KCNK13: variants seen among roughly 807,000 people sequenced by gnomAD.
The protein encoded by KCNK13 is potassium two pore domain channel subfamily K member 13.
A neutral mutation model predicts 23.4 loss-of-function variants in KCNK13; 12 were observed. The ratio of observed to expected loss-of-function variants is 0.51; its 90% CI spans 0.33 to 0.83. The LOEUF is 0.83. KCNK13 is among the 40% of genes least tolerant of loss of function. KCNK13 has a pLI of 0.02. For synonymous variants in KCNK13, 231 were observed against 229.5 expected (o/e 1.01, Z -0.06); for missense variants, 463 against 556.3 (o/e 0.83, Z 1.69).
intron 1 of KCNK13, among the ~76,000 whole-genome samples, chr14:90,073,163 C>T (rs75800182): frequency 6.6e-6 from 1 of 152,140 alleles, no homozygotes; most frequent in African/African-American, 2.4e-5. Flanking sequence ...CGTGTGGTCT[C>T]TTTTACAGTG....
intron 1 of KCNK13, among the ~76,000 whole-genome samples, chr14:90,127,105 A>G (rs1037154564): frequency 6.6e-6 from 1 of 152,226 alleles, no homozygotes. Context: ...AATGTTAATT[A>G]GTTGCAACGA....
chr14:90,090,805 G>T (rs923854372), intron 1 of KCNK13, among the ~76,000 whole-genome samples: 8 of 152,160 alleles, frequency 5.3e-5, no homozygotes, highest in Admixed American at 2.0e-4. Context: ...TTAAAAACAG[G>T]AGTTTCCCTT....
intron 1 of KCNK13, among the ~76,000 whole-genome samples, chr14:90,109,781 T>A (rs756410577): frequency 2.1e-4 from 32 of 151,302 alleles, no homozygotes; most frequent in Middle Eastern, 3.4e-3. Flanking sequence ...CAATCACGGC[T>A]CACTGTAGCC....
At chr14:90,069,688 C>T (rs1889051455) in intron 1 of KCNK13, among the ~76,000 whole-genome samples, 1 of 151,696 alleles carries the variant, frequency 6.6e-6, no homozygotes, top group Admixed American at 6.6e-5. Flanking sequence ...ATAAAAATAT[C>T]CCACGAATGC....
chr14:90,114,671 C>G (rs371805147), intron 1 of KCNK13, among the ~76,000 whole-genome samples: 6 of 152,162 alleles, frequency 3.9e-5, no homozygotes, highest in African/African-American at 1.4e-4. Flanking sequence ...TTAATTACAG[C>G]CTCTGGGCAG....
At chr14:90,107,889 G>A in intron 1 of KCNK13, 1 of 786,270 alleles carries the variant, frequency 1.3e-6, no homozygotes, top group East Asian at 2.5e-5. Context: ...ATGGGGCCTT[G>A]AGTCTTTATC....
At chr14:90,084,635 T>G (rs1889251497) in intron 1 of KCNK13, among the ~76,000 whole-genome samples, 1 of 152,222 alleles carries the variant, frequency 6.6e-6, no homozygotes, top group African/African-American at 2.4e-5. Context: ...TTCCTTTATT[T>G]CATGCTTGAC....
At chr14:90,179,170 C>G (rs1890457607) in intron 1 of KCNK13, among the ~76,000 whole-genome samples, 1 of 145,938 alleles carries the variant, frequency 6.9e-6, no homozygotes, top group Admixed American at 6.8e-5. Flanking sequence ...CTGGGATTAA[C>G]TTTACAATAC....
intron 1 of KCNK13, among the ~76,000 whole-genome samples, chr14:90,099,680 C>T (rs1375281020): frequency 6.6e-6 from 1 of 152,088 alleles, no homozygotes; most frequent in East Asian, 1.9e-4. Context: ...TAAGTAAACC[C>T]TGCGTAATTG....
intron 1 of KCNK13, among the ~76,000 whole-genome samples, chr14:90,140,880 A>T (rs1889997728): frequency 6.6e-6 from 1 of 152,198 alleles, no homozygotes; most frequent in Admixed American, 6.5e-5. Context: ...AATGATGGCA[A>T]CTTAAAGGCA....
intron 1 of KCNK13, among the ~76,000 whole-genome samples, chr14:90,135,781 A>G (rs966337387): frequency 3.3e-5 from 5 of 152,120 alleles, no homozygotes; most frequent in Non-Finnish European, 7.4e-5. Flanking sequence ...TTTCTGGTTG[A>G]GTGTAGGGAT....
chr14:90,117,832 T>C (rs1889694656), intron 1 of KCNK13, among the ~76,000 whole-genome samples: 1 of 152,178 alleles, frequency 6.6e-6, no homozygotes, highest in Admixed American at 6.5e-5. Context: ...TTACTCCTCA[T>C]TTACTCTTCC....
At position 90,184,789 on chromosome 14, in the gene KCNK13, AC is replaced by A; in HGVS notation, c.1014del (p.Asp338GlufsTer9). The A allele has an allele frequency of 6.2e-7, 1 of 1,612,700 alleles. No individual in the cohort carries two copies. The highest frequency in any genetic ancestry group is 8.5e-7 in the Non-Finnish European group (1 of 1,178,860). ...GACGGGGTGGCAGAGAGTGACACGG[AC>A]GGGCGCCGGCTCTCAGGGGAGATGA... ...ETDGVAESDT[D>X]GRRLSGEMIS... On this transcript the variant is annotated frameshift_variant, in exon 2 of 2. Coordinates refer to ENST00000282146, the MANE Select transcript of KCNK13 (RefSeq NM_022054.4). LOFTEE classifies it high-confidence loss of function. The surrounding 1 kb of genome is among the most constrained non-coding windows in gnomAD (Gnocchi z 5.6).
intron 1 of KCNK13, among the ~76,000 whole-genome samples, chr14:90,130,797 A>C (rs929210530): frequency 6.6e-6 from 1 of 152,090 alleles, no homozygotes; most frequent in Admixed American, 6.6e-5. Flanking sequence ...CTGGGCAACA[A>C]GAGCGAAACT....
chr14:90,125,551 A>T (rs1596788559), intron 1 of KCNK13, among the ~76,000 whole-genome samples: 1 of 151,848 alleles, frequency 6.6e-6, no homozygotes, highest in Admixed American at 6.6e-5. Context: ...ATGAAAGCTC[A>T]TGGTAAAATC....
Position 90,062,155 on chromosome 14 carries a change from C to A in KCNK13, c.-51C>A. On this transcript the variant is annotated 5_prime_UTR_variant, in exon 1 of 2. Transcript: ENST00000282146. The surrounding 1 kb of genome is among the most constrained non-coding windows in gnomAD (Gnocchi z 4.5). ...ATTTCCCGGGGGTGTGGGCGAGACTCCGCCGACGCCCGGTGCCGTGGGCCT... is the reference window on the plus strand; with the variant it reads ...ATTTCCCGGGGGTGTGGGCGAGACTACGCCGACGCCCGGTGCCGTGGGCCT... 8.2e-7 allele frequency: 1 copy of A among 1,213,608 alleles called. No individual in the cohort carries two copies. The highest frequency in any genetic ancestry group is 1.1e-6 in the Non-Finnish European group (1 of 938,774). The allele number at this position is 1,213,608 out of a possible 1,614,324, so 75.2% of individuals were successfully genotyped here.
chr14:90,137,559 G>C (rs566425530), intron 1 of KCNK13, among the ~76,000 whole-genome samples: 3 of 152,192 alleles, frequency 2.0e-5, no homozygotes, highest in Non-Finnish European at 4.4e-5. Flanking sequence ...GACTTCAGGT[G>C]ATCCACCCAC....
chr14:90,184,280 AGGG>A lies in KCNK13; in HGVS notation c.506_508del (p.Gly169del). The A allele has an allele frequency of 3.7e-6, 6 of 1,614,212 alleles. No homozygotes were observed. The highest frequency in any genetic ancestry group is 5.1e-6 in the Non-Finnish European group (6 of 1,180,028). ...GCCACCAGCGGCAGCTCCGGAGACG[AGGG>A]GCCCTGCCCCAGGAGAGCCTGAAGG... On this transcript the variant is annotated inframe_deletion, in exon 2 of 2. Coordinates refer to ENST00000282146, the MANE Select transcript of KCNK13 (RefSeq NM_022054.4). The surrounding 1 kb of genome is among the most constrained non-coding windows in gnomAD (Gnocchi z 5.6).
At chr14:90,142,365 C>T (rs1252866139) in intron 1 of KCNK13, among the ~76,000 whole-genome samples, 1 of 115,602 alleles carries the variant, frequency 8.7e-6, no homozygotes, top group Admixed American at 1.2e-4. Flanking sequence ...GTCACCCAGA[C>T]TGGAGTGCAG....
Sources: allele counts gnomAD v4.1 joint callset (sites outside exome capture counted in the v4.1 genomes callset), GRCh38; gene constraint gnomAD v4.1.1; non-coding constraint Gnocchi (gnomAD v3.1); transcripts MANE v1.5; gene names NCBI Gene and HGNC (gene_info 2026-07-23, HGNC 2026-07-21).